The following CRYBG3 variants were observed in gnomAD, a reference collection of about 807,000 sequenced individuals.
CRYBG3 encodes very large A-kinase anchor protein.
In CRYBG3, 127 loss-of-function variants were observed where a neutral mutation model predicts 244.2. That is an observed-to-expected ratio of 0.52 (90% CI 0.45 to 0.60). The LOEUF (loss-of-function observed/expected upper bound fraction) is 0.60, where lower values mean the gene tolerates loss of function less well. Among genes scored for constraint, CRYBG3 ranks in the 20% least tolerant of loss-of-function variants. CRYBG3 has a pLI of 0.00. For synonymous variants in CRYBG3, 1,132 were observed against 1,195.8 expected (o/e 0.95, Z 1.10); for missense variants, 3,325 against 3,442.5 (o/e 0.97, Z 0.85).
chr3:97,942,633 T>C (rs2040257314), intron 21 of CRYBG3, 190 bp downstream of exon 21: 1 of 531,922 alleles, frequency 1.9e-6, no homozygotes, highest in Non-Finnish European at 3.2e-6. Context: ...ACAACAAAGC[T>C]TAGGGTTTTT....
intron 1 of CRYBG3, among the ~76,000 whole-genome samples, chr3:97,827,013 G>C (rs1052651311): frequency 2.0e-5 from 3 of 152,238 alleles, no homozygotes; most frequent in Admixed American, 6.5e-5. Context: ...TGCCAAGGCA[G>C]CATAGTGGGG....
intron 11 of CRYBG3, among the ~76,000 whole-genome samples, chr3:97,893,607 T>G (rs2039606360): frequency 6.6e-6 from 1 of 152,214 alleles, no homozygotes; most frequent in Non-Finnish European, 1.5e-5. Context: ...TCCTGGTAGG[T>G]GAAACAATGA....
At chr3:97,939,037 GT>G (rs1436340066) in intron 19 of CRYBG3, among the ~76,000 whole-genome samples, 1 of 151,964 alleles carries the variant, frequency 6.6e-6, no homozygotes, top group Non-Finnish European at 1.5e-5. Flanking sequence ...CTGACCCTCT[GT>G]TGTTAGAGAC....
chr3:97,938,395 G>A (rs575534801), intron 19 of CRYBG3, among the ~76,000 whole-genome samples: 2 of 152,158 alleles, frequency 1.3e-5, no homozygotes, highest in East Asian at 3.9e-4. Flanking sequence ...CAGGCACTGA[G>A]CTGAATATAG....
rs201345446 is a variant in CRYBG3 at position 97,877,225 on chromosome 3, G to A, written c.6031G>A (p.Asp2011Asn). ...ATACGAAGAGCCCCTTCAAGAGGAG[G>A]ACAAGTATGCTTCCGCAGAAGCAAG... ...ILYEEPLQEEDKYASAEARQT... is the reference protein window; with the variant it reads ...ILYEEPLQEENKYASAEARQT... The change falls in exon 4 of 22, where the codon GAC becomes AAC. Residue 2011 changes from aspartate to asparagine, a missense_variant. Physicochemically the swap from Asp to Asn is conservative, Grantham distance 23 (BLOSUM62 1). Transcript: ENST00000389622. The A allele has an allele frequency of 6.0e-4, 971 of 1,613,868 alleles. 2 individuals are homozygous for A. The highest frequency in any genetic ancestry group is 7.3e-4 in the Non-Finnish European group (861 of 1,179,918).
intron 2 of CRYBG3, among the ~76,000 whole-genome samples, chr3:97,855,532 C>T (rs2039050637): frequency 6.6e-6 from 1 of 152,050 alleles, no homozygotes. Context: ...TTGGTCTGTT[C>T]AGGTTTTCTG....
At chr3:97,868,324 A>G (rs970501958) in intron 3 of CRYBG3, among the ~76,000 whole-genome samples, 2 of 151,998 alleles carry the variant, frequency 1.3e-5, no homozygotes, top group East Asian at 1.9e-4. Context: ...TGTGGACTCA[A>G]CTATACTCCA....
chr3:97,912,359 C>T (rs886069160), intron 16 of CRYBG3, 83 bp downstream of exon 16: 2 of 600,112 alleles, frequency 3.3e-6, no homozygotes, highest in Non-Finnish European at 5.5e-6. Flanking sequence ...TTTGCATGCA[C>T]AGTGAATCCT....
At chr3:97,852,145 A>C (rs370657086) in intron 2 of CRYBG3, among the ~76,000 whole-genome samples, 1 of 152,116 alleles carries the variant, frequency 6.6e-6, no homozygotes, top group Non-Finnish European at 1.5e-5. Context: ...TGAATATTTG[A>C]GTCTGTGGGC....
intron 17 of CRYBG3, among the ~76,000 whole-genome samples, chr3:97,927,873 T>A (rs996749659): frequency 1.3e-5 from 2 of 151,946 alleles, no homozygotes; most frequent in African/African-American, 4.8e-5. Context: ...CTCATACAAG[T>A]CCAAATGGCT....
At position 97,874,582 on chromosome 3, in the gene CRYBG3, G is replaced by T. The variant is rs950184206; in HGVS notation, c.3388G>T (p.Gly1130Trp). The T allele has an allele frequency of 1.3e-6, 2 of 1,535,996 alleles. No homozygotes were observed. The highest frequency in any genetic ancestry group is 1.4e-5 in the African/African-American group (1 of 73,138). Reference protein sequence around the residue: ...TEVTPFQEHFGIYTGKISIDF... With the variant: ...TEVTPFQEHFWIYTGKISIDF... ...AGTAACCCCATTTCAGGAACATTTT[G>T]GGATTTATACTGGGAAGATATCCAT... The change falls in exon 4 of 22, where the codon GGG (glycine) becomes TGG (tryptophan). Residue 1130 changes from glycine (G) to tryptophan (W), a missense_variant. Physicochemically the swap from Gly to Trp is radical, Grantham distance 184 (BLOSUM62 -2). Around this residue, in one of 4 missense-constraint regions of CRYBG3, gnomAD observed 1,526 missense variants for 1,443.2 expected, o/e 1.06. Transcript: ENST00000389622.
chr3:97,888,429 A>G lies in CRYBG3; in HGVS notation c.7378A>G (p.Met2460Val). The G allele has an allele frequency of 1.2e-6, 2 of 1,610,200 alleles. No individual in the cohort carries two copies. The highest frequency in any genetic ancestry group is 1.1e-5 in the South Asian group (1 of 90,962). The stretch of plus-strand genomic sequence containing the variant: ...GCTCTTTGAGATTTCTACAGCAGAA[A>G]TGAAATCATTACATCCGCTTCAAAT... ...HGLFEISTAE[M>V]KSLHPLQMGG... The change falls in exon 9 of 22, where the codon ATG (methionine) becomes GTG (valine). Residue 2460 changes from methionine (M) to valine (V), a missense_variant. Physicochemically the swap from Met to Val is conservative, Grantham distance 21. Transcript: ENST00000389622.
At chr3:97,910,752 C>T (rs558166177) in intron 15 of CRYBG3, among the ~76,000 whole-genome samples, 177 of 152,308 alleles carry the variant, frequency 1.2e-3, no homozygotes, top group African/African-American at 4.0e-3. Context: ...TGTTCCTATT[C>T]GGCCATCTTG....
chr3:97,938,727 A>G (rs1201949704), intron 19 of CRYBG3, among the ~76,000 whole-genome samples: 1 of 152,028 alleles, frequency 6.6e-6, no homozygotes, highest in African/African-American at 2.4e-5. Context: ...TGAATAAGAT[A>G]ATGTATATGA....
In CRYBG3 at chr3:97,822,026, C is replaced by T. The variant is rs188439072; in HGVS notation, c.-181C>T. 1 of 440,394 alleles carries T rather than the reference C, an allele frequency of 2.3e-6. No homozygotes were observed. The allele number at this position is 440,394 out of a possible 1,614,324, so 27.3% of individuals were successfully genotyped here. On this transcript the variant is annotated 5_prime_UTR_variant, in exon 1 of 22. Transcript: ENST00000389622. Reference sequence around the variant, plus strand: ...CAGCCGCAGCGGCGTGAGGAGCTGCCGCGCGAGGAGCGCGTCGCGTCCGCA... The same window carrying T: ...CAGCCGCAGCGGCGTGAGGAGCTGCTGCGCGAGGAGCGCGTCGCGTCCGCA...
rs979049360 is a variant in CRYBG3, at chr3:97,877,077, A to G, written c.5883A>G (p.Leu1961=). 6.2e-7 allele frequency: 1 copy of G among 1,610,694 alleles called. No homozygotes were observed. Among genetic ancestry groups the G allele is most frequent in the Admixed American group, 1.7e-5 (1 of 59,750 alleles). The change falls in exon 4 of 22, where the codon CTA becomes CTG. Residue 1961 remains leucine, a synonymous_variant. Transcript: ENST00000389622. ...DFQPGDTTVR[L]DKRMSLTAIY... is the part of the protein sequence containing the mutation. ...AACCTGGGGATACCACAGTAAGACTAGACAAAAGAATGTCTCTTACTGCAA... is the reference window on the plus strand; with the variant it reads ...AACCTGGGGATACCACAGTAAGACTGGACAAAAGAATGTCTCTTACTGCAA...
Position 97,886,969 on chromosome 3 carries a change from G to A in CRYBG3, c.7289+202G>A, listed in dbSNP as rs184136088. 5.3e-5 allele frequency among the ~76,000 whole-genome samples: 8 copies of A among 152,290 alleles called. No homozygotes were observed. In the East Asian group the frequency reaches 1.5e-3, roughly 29 times the overall value. ...AGGAGCAGGTATAGAATTCTGAGAT[G>A]TAGTTCTTGATATATGGATCTATTG... is the stretch of plus-strand genomic sequence containing the variant. On this transcript the variant is annotated intron_variant, in intron 8 of 21. Transcript: ENST00000389622.
chr3:97,848,311 T>G (rs996384985), intron 2 of CRYBG3, among the ~76,000 whole-genome samples: 2 of 152,134 alleles, frequency 1.3e-5, no homozygotes, highest in South Asian at 2.1e-4. Flanking sequence ...TGTTGTTGTT[T>G]TTTTGAGATG....
rs2040225185 is a variant in CRYBG3 at position 97,941,206 on chromosome 3, G to C, written c.8564G>C (p.Gly2855Ala). The C allele has an allele frequency of 1.2e-6, 2 of 1,611,624 alleles. No homozygotes were observed. Among genetic ancestry groups the C allele is most frequent in the African/African-American group, 1.3e-5 (1 of 74,724 alleles). ...RAQGEYLTVT[G>A]SLADTRATSV... ...CAGGGTGAATATCTGACAGTCACTG[G>C]AAGTCTAGCAGACACCAGGGCAACA... Residue 2855 changes from glycine (G) to alanine (A), a missense_variant, in exon 20 of 22, where the codon GGA becomes GCA. Gly to Ala is a moderately conservative substitution (Grantham distance 60). Around this residue, in one of 4 missense-constraint regions of CRYBG3, gnomAD observed 714 missense variants for 803.6 expected, o/e 0.89. Transcript: ENST00000389622.
Sources: gnomAD v4.1 joint callset for allele counts (sites outside exome capture counted in the v4.1 genomes callset) on GRCh38, gnomAD v4.1.1 for gene constraint, gnomAD v4.1.1 regional missense constraint, MANE v1.5 for transcripts, NCBI Gene and HGNC (gene_info 2026-07-23, HGNC 2026-07-21) for gene names.